The following RPGRIP1L variants were observed in gnomAD, a reference collection of about 807,000 sequenced individuals.
RPGRIP1L encodes the protein RPGRIP1 like.
A neutral mutation model predicts 160.4 loss-of-function variants in RPGRIP1L; 131 were observed. The observed-to-expected ratio is 0.82, with a 90% CI of 0.71 to 0.94. The LOEUF (loss-of-function observed/expected upper bound fraction) is 0.94, where lower values mean the gene tolerates loss of function less well. Among genes scored for constraint, RPGRIP1L ranks in the 40% least tolerant of loss-of-function variants. RPGRIP1L has a pLI of 0.00. For missense variants in RPGRIP1L, 1,522 were observed against 1,535.8 expected (o/e 0.99, Z 0.15); for synonymous variants, 510 against 515.8 (o/e 0.99, Z 0.15).
rs1016742262 is a variant in RPGRIP1L, at chr16:53,691,915, G to A, written c.529+151C>T. On this transcript the variant is annotated intron_variant, in intron 4 of 26. Coordinates refer to ENST00000647211, the MANE Select transcript of RPGRIP1L (RefSeq NM_015272.5). ...TAGTGATTCTTAAATAATCTTCACT[G>A]ACAATATTATTTTATCAAAGTAAAA... 36 of 736,282 alleles carry A rather than the reference G, an allele frequency of 4.9e-5. No individual in the cohort carries two copies. The African/African-American group carries it at 6.4e-4, about 13-fold the overall frequency. 45.6% of individuals were successfully genotyped at this position (736,282 alleles called of 1,614,324 possible). A position where few individuals can be genotyped will look rare whatever the true frequency, so the allele number is the denominator to read the frequency against.
At chr16:53,698,280 G>GC (rs1377405439) in intron 2 of RPGRIP1L, among the ~76,000 whole-genome samples, 15 of 143,684 alleles carry the variant, frequency 1.0e-4, no homozygotes, top group African/African-American at 2.9e-4. Context: ...TGGGGGGTCA[G>GC]CCCCCGCCAG....
intron 26 of RPGRIP1L, among the ~76,000 whole-genome samples, chr16:53,604,808 G>A (rs1963571136): frequency 6.6e-6 from 1 of 152,156 alleles, no homozygotes; most frequent in Non-Finnish European, 1.5e-5. Context: ...ACAGAAATAA[G>A]GCTTCCATAA....
In RPGRIP1L at chr16:53,692,243, T is replaced by G. The variant is rs1057103997; in HGVS notation, c.352A>C (p.Lys118Gln). The G allele has an allele frequency of 1.2e-6, 2 of 1,614,068 alleles. No individual in the cohort carries two copies. Among genetic ancestry groups the G allele is most frequent in the Non-Finnish European group, 1.7e-6 (2 of 1,180,038 alleles). ...MEEMIEQLQE[K>Q]VHELEKQNET... ...TTTTGTTTTTCAAGCTCATGAACTT[T>G]CTCTTGCAGCTGCTCAATCATTTCT... is the stretch of plus-strand genomic sequence containing the variant. The change falls in exon 4 of 27, where the codon AAA (lysine) becomes CAA (glutamine). Residue 118 changes from lysine to glutamine, a missense_variant. Lys to Gln is a moderately conservative substitution (Grantham distance 53). Transcript: ENST00000647211.
intron 6 of RPGRIP1L, among the ~76,000 whole-genome samples, chr16:53,677,366 C>T (rs1223713155): frequency 2.0e-5 from 3 of 152,082 alleles, no homozygotes; most frequent in Non-Finnish European, 4.4e-5. Context: ...TTTCCTGGGA[C>T]AATGCTAAAC....
intron 10 of RPGRIP1L, among the ~76,000 whole-genome samples, chr16:53,660,924 T>C (rs1011128942): frequency 6.7e-6 from 1 of 148,980 alleles, no homozygotes; most frequent in Non-Finnish European, 1.5e-5. Context: ...ATATACTGTA[T>C]AAACACTTTT....
At chr16:53,622,532 C>T (rs950798845) in intron 22 of RPGRIP1L, among the ~76,000 whole-genome samples, 176 bp from the exon 23 acceptor site, 1 of 152,072 alleles carries the variant, frequency 6.6e-6, no homozygotes, top group Non-Finnish European at 1.5e-5. Flanking sequence ...TAGTCCCCTA[C>T]AACCAGAAGA....
At chr16:53,680,681 G>C (rs1193381873) in intron 6 of RPGRIP1L, among the ~76,000 whole-genome samples, 3 of 152,128 alleles carry the variant, frequency 2.0e-5, no homozygotes, top group Non-Finnish European at 2.9e-5. Flanking sequence ...GAATGTGATA[G>C]CTGTATTGTG....
Position 53,658,818 on chromosome 16 carries a change from T to C in RPGRIP1L, c.1304A>G (p.Lys435Arg). Reference protein sequence around the residue: ...RELQLQYLEQKQQLDELKKRI... With the variant: ...RELQLQYLEQRQQLDELKKRI... ...TTTTTTAAGTTCATCAAGTTGTTGC[T>C]TTTGTTCCAGATACTGTAACTGTAG... The change falls in exon 11 of 27, where the codon AAG becomes AGG. Residue 435 changes from lysine (K) to arginine (R), a missense_variant. Coordinates refer to ENST00000647211, the MANE Select transcript of RPGRIP1L (RefSeq NM_015272.5). 1.2e-6 allele frequency: 2 copies of C among 1,609,452 alleles called. No individual in the cohort carries two copies. Among genetic ancestry groups the C allele is most frequent in the Non-Finnish European group, 1.7e-6 (2 of 1,177,152 alleles).
chr16:53,612,908 A>C (rs984626827), intron 24 of RPGRIP1L, among the ~76,000 whole-genome samples: 1 of 152,004 alleles, frequency 6.6e-6, no homozygotes, highest in Non-Finnish European at 1.5e-5. Flanking sequence ...ATAACTTTCC[A>C]TTCTTCCCTC....
chr16:53,659,228 T>A, intron 10 of RPGRIP1L: 1 of 960,300 alleles, frequency 1.0e-6, no homozygotes, highest in Non-Finnish European at 1.2e-6. Flanking sequence ...TTAAGGCTCC[T>A]GAAAAGCATG....
intron 10 of RPGRIP1L, among the ~76,000 whole-genome samples, chr16:53,661,946 T>C (rs563161548): frequency 8.1e-4 from 124 of 152,288 alleles, no homozygotes; most frequent in African/African-American, 2.9e-3. Context: ...TCAAACTGTT[T>C]ATTTGGGACA....
intron 9 of RPGRIP1L, among the ~76,000 whole-genome samples, chr16:53,667,413 A>G (rs1968362619): frequency 6.6e-6 from 1 of 152,222 alleles, no homozygotes; most frequent in Non-Finnish European, 1.5e-5. Flanking sequence ...TGTGAGAGAC[A>G]GGAAAGAATA....
chr16:53,668,747 T>G (rs1968481120), intron 9 of RPGRIP1L, among the ~76,000 whole-genome samples: 1 of 152,186 alleles, frequency 6.6e-6, no homozygotes, highest in African/African-American at 2.4e-5. Flanking sequence ...AGTATAGAGT[T>G]TCTCTCTGAC....
In RPGRIP1L at chr16:53,641,363, TAA is replaced by T. The variant is rs778824093; in HGVS notation, c.2794_2795del (p.Leu932ArgfsTer22). On this transcript the variant is annotated frameshift_variant, in exon 18 of 27. Transcript: ENST00000647211. LOFTEE classifies it high-confidence loss of function. ...GCTCTTCGCTGCGAATGAAATTTCC[TAA>T]GTCTTCAGTTGTTATTGATCCACTT... Reference protein sequence around the residue: ...PPSGSITTEDLGNFIRSEEPE... With the variant: ...PPSGSITTEDXGNFIRSEEPE... 17 of 1,614,012 alleles carry T rather than the reference TAA, an allele frequency of 1.1e-5. No individual in the cohort carries two copies. Among genetic ancestry groups the T allele is most frequent in the Non-Finnish European group, 1.4e-5 (16 of 1,180,004 alleles).
chr16:53,675,033 A>C lies in RPGRIP1L; in HGVS notation c.866T>G (p.Phe289Cys). The C allele has an allele frequency of 6.2e-7, 1 of 1,602,568 alleles. No individual in the cohort carries two copies. Among genetic ancestry groups the C allele is most frequent in the Non-Finnish European group, 8.5e-7 (1 of 1,171,290 alleles). Residue 289 changes from phenylalanine (F) to cysteine (C), a missense_variant, in exon 7 of 27, where the codon TTT becomes TGT. Transcript: ENST00000647211. The part of the protein sequence containing the change: ...SNALSAMEGK[F>C]IQLQEKQRTL... Reference sequence around the variant, plus strand: ...TCACTGTACCTCTTGAAGCTGAATAAATTTTCCTTCCATTGCTGAAAGAGC... The same window carrying C: ...TCACTGTACCTCTTGAAGCTGAATACATTTTCCTTCCATTGCTGAAAGAGC...
At chr16:53,635,946 T>C (rs1406011588) in intron 22 of RPGRIP1L, among the ~76,000 whole-genome samples, 1 of 152,200 alleles carries the variant, frequency 6.6e-6, no homozygotes, top group African/African-American at 2.4e-5. Context: ...AAGCAAAGTA[T>C]ACCGGCACAA....
rs137995481 is a variant in RPGRIP1L at position 53,622,912 on chromosome 16, T to C, written c.3295-556A>G. Among the ~76,000 whole-genome samples, 777 of 150,972 alleles carry C rather than the reference T, an allele frequency of 5.1e-3. 7 individuals are homozygous for C. The highest frequency in any genetic ancestry group is 0.018 in the African/African-American group (735 of 40,738). On this transcript the variant is annotated intron_variant, in intron 22 of 26. Coordinates refer to ENST00000647211, the MANE Select transcript of RPGRIP1L (RefSeq NM_015272.5). ...TACCTGGGAGGCTGAGGTTGGAGGA[T>C]TGCTTGAGCCTGAGAGGTTGGGGCT...
At chr16:53,667,067 T>C (rs1170256297) in intron 9 of RPGRIP1L, among the ~76,000 whole-genome samples, 2 of 152,224 alleles carry the variant, frequency 1.3e-5, no homozygotes, top group Non-Finnish European at 2.9e-5. Flanking sequence ...TAAATCTGCA[T>C]ATGAGAACAG....
At chr16:53,682,408 T>C (rs983804443) in intron 6 of RPGRIP1L, among the ~76,000 whole-genome samples, 4 of 152,208 alleles carry the variant, frequency 2.6e-5, no homozygotes, top group African/African-American at 4.8e-5. Context: ...TGGTAATATT[T>C]ATAGTAGGAA....
Sources: allele counts gnomAD v4.1 joint callset (sites outside exome capture counted in the v4.1 genomes callset), GRCh38; gene constraint gnomAD v4.1.1; transcripts MANE v1.5; gene names NCBI Gene and HGNC (gene_info 2026-07-23, HGNC 2026-07-21).